The following MARCHF1 variants were observed in gnomAD, a reference collection of about 807,000 sequenced individuals.
The protein encoded by MARCHF1 is E3 ubiquitin-protein ligase MARCHF1.
MARCHF1 carries 40 observed loss-of-function variants against 54.2 expected under a neutral mutation model. That is an observed-to-expected ratio of 0.74 (90% CI 0.57 to 0.96). MARCHF1 has a LOEUF of 0.96. Ranked by LOEUF, MARCHF1 falls within the 40% of genes least tolerant of loss-of-function variation. MARCHF1 has a pLI of 0.00. For synonymous variants in MARCHF1, 236 were observed against 236.3 expected (o/e 1.00, Z 0.01); for missense variants, 586 against 656.5 (o/e 0.89, Z 1.17).
Position 163,929,964 on chromosome 4 carries a change from A to AT in MARCHF1, c.-39+58536dup, listed in dbSNP as rs61032880. The stretch of plus-strand genomic sequence containing the variant: ...ATTTATATTATATATATTATATATA[A>AT]TATATATAATATATATAATATATAT... On this transcript the variant is annotated intron_variant, in intron 3 of 9. Coordinates refer to ENST00000514618, the MANE Select transcript of MARCHF1 (RefSeq NM_001394959.1). Among the ~76,000 whole-genome samples, 48 of 111,272 alleles carry AT rather than the reference A, an allele frequency of 4.3e-4. 1 individual carries two copies. Among genetic ancestry groups the AT allele is most frequent in the South Asian group, 1.1e-3 (5 of 4,372 alleles). 73.0% of individuals were successfully genotyped at this position (111,272 alleles called of 152,430 possible).
intron 2 of MARCHF1, among the ~76,000 whole-genome samples, chr4:164,023,257 T>C (rs867288466): frequency 6.6e-6 from 1 of 152,084 alleles, no homozygotes; most frequent in South Asian, 2.1e-4. Flanking sequence ...ACAAAAGAAA[T>C]ATGACTGTGT....
intron 1 of MARCHF1, among the ~76,000 whole-genome samples, chr4:164,272,870 G>A (rs372780905): frequency 6.6e-6 from 1 of 151,848 alleles, no homozygotes; most frequent in Non-Finnish European, 1.5e-5. Context: ...TAAAGAAATA[G>A]AGAAAAAATT....
intron 2 of MARCHF1, among the ~76,000 whole-genome samples, chr4:164,108,700 A>C (rs903269439): frequency 2.6e-5 from 4 of 152,090 alleles, no homozygotes; most frequent in Non-Finnish European, 5.9e-5. Context: ...TGTTAATTTT[A>C]TCTCTACAAA....
intron 1 of MARCHF1, among the ~76,000 whole-genome samples, chr4:164,303,746 G>A (rs1016725371): frequency 5.8e-4 from 9 of 15,618 alleles, no homozygotes; most frequent in African/African-American, 1.8e-3. Context: ...ATCACCCATC[G>A]CCTCCCCAAC....
chr4:163,746,973 A>T (rs1278405629), intron 4 of MARCHF1, among the ~76,000 whole-genome samples: 2 of 152,188 alleles, frequency 1.3e-5, no homozygotes, highest in Non-Finnish European at 2.9e-5. Flanking sequence ...TCTTGAGCAC[A>T]TTTTCAAAGC....
chr4:164,233,312 G>A (rs189437904), intron 1 of MARCHF1, among the ~76,000 whole-genome samples: 101 of 151,914 alleles, frequency 6.6e-4, no homozygotes, highest in African/African-American at 2.2e-3. Flanking sequence ...TACTCTTCTG[G>A]AATTTCTGTC....
At chr4:164,170,140 A>G (rs1730484039) in intron 1 of MARCHF1, among the ~76,000 whole-genome samples, 1 of 152,154 alleles carries the variant, frequency 6.6e-6, no homozygotes, top group South Asian at 2.1e-4. Flanking sequence ...GGTCCTATGA[A>G]TATGAGCCAG....
chr4:163,579,138 T>C (rs996367852), intron 8 of MARCHF1, among the ~76,000 whole-genome samples: 1 of 152,182 alleles, frequency 6.6e-6, no homozygotes, highest in Non-Finnish European at 1.5e-5. Flanking sequence ...AGGCAAAAGA[T>C]AAAATCCATG....
intron 4 of MARCHF1, among the ~76,000 whole-genome samples, chr4:163,764,622 T>C (rs1746923224): frequency 2.0e-5 from 3 of 152,124 alleles, no homozygotes; most frequent in Non-Finnish European, 4.4e-5. Context: ...CTGAATATTA[T>C]GTGGCTTCAA....
At position 164,211,331 on chromosome 4, in the gene MARCHF1, G is replaced by GTGTATATATATATATATATATATA. The variant is rs763172261; in HGVS notation, c.-322-99670_-322-99669insTATATATATATATATATATATACA. On this transcript the variant is annotated intron_variant, in intron 1 of 9. Transcript: ENST00000514618. ...AACCTGCATATGTGTATGTATGTAT[G>GTGTATATATATATATATATATATA]TATATATATATATATATATATATAC... 5.2e-5 allele frequency among the ~76,000 whole-genome samples: 6 copies of GTGTATATATATATATATATATATA among 115,980 alleles called. No homozygotes were observed. The East Asian group carries it at 1.1e-3, about 21-fold the overall frequency. 76.1% of individuals were successfully genotyped at this position (115,980 alleles called of 152,430 possible).
intron 4 of MARCHF1, among the ~76,000 whole-genome samples, chr4:163,833,395 C>T (rs1749086645): frequency 1.3e-5 from 2 of 152,084 alleles, no homozygotes; most frequent in Non-Finnish European, 2.9e-5. Flanking sequence ...AGAGCTTCTG[C>T]ACAGCAAAAG....
At chr4:164,230,087 A>G (rs1302608645) in intron 1 of MARCHF1, among the ~76,000 whole-genome samples, 1 of 152,088 alleles carries the variant, frequency 6.6e-6, no homozygotes, top group Non-Finnish European at 1.5e-5. Context: ...TCCCCAGTTA[A>G]GCATCCTTTT....
At position 164,328,286 on chromosome 4, in the gene MARCHF1, A is replaced by C. The variant is rs1258025442; in HGVS notation, c.-323+55584T>G. On this transcript the variant is annotated intron_variant, in intron 1 of 9. Coordinates refer to ENST00000514618, the MANE Select transcript of MARCHF1 (RefSeq NM_001394959.1). The stretch of plus-strand genomic sequence containing the variant: ...GCAAATATTTACTTTTTGACACACA[A>C]ACAGCAAAGAGTAATCTTTAGATTT... 3.3e-5 allele frequency among the ~76,000 whole-genome samples: 5 copies of C among 152,162 alleles called. No homozygotes were observed. In the East Asian group the frequency reaches 9.6e-4, roughly 29 times the overall value.
At chr4:163,917,742 C>A (rs1751341600) in intron 3 of MARCHF1, among the ~76,000 whole-genome samples, 11 of 152,130 alleles carry the variant, frequency 7.2e-5, no homozygotes, top group Admixed American at 7.2e-4. Context: ...AAGACCCCAG[C>A]ATCCATTAGC....
chr4:164,180,327 A>C (rs905507856), intron 1 of MARCHF1, among the ~76,000 whole-genome samples: 1 of 152,132 alleles, frequency 6.6e-6, no homozygotes, highest in South Asian at 2.1e-4. Context: ...GAACTTTTAC[A>C]TAAGTGTTTG....
At chr4:164,172,479 A>T (rs1730552113) in intron 1 of MARCHF1, among the ~76,000 whole-genome samples, 1 of 152,148 alleles carries the variant, frequency 6.6e-6, no homozygotes, top group African/African-American at 2.4e-5. Context: ...TGCAAGTTAC[A>T]AGTTATGTAC....
At chr4:164,314,664 C>A (rs1349292049) in intron 1 of MARCHF1, among the ~76,000 whole-genome samples, 2 of 152,062 alleles carry the variant, frequency 1.3e-5, no homozygotes, top group Admixed American at 6.6e-5. Context: ...ACAAAATAAA[C>A]CATTTCTCAG....
intron 3 of MARCHF1, among the ~76,000 whole-genome samples, chr4:163,912,300 G>T (rs1751209146): frequency 6.6e-6 from 1 of 152,142 alleles, no homozygotes; most frequent in African/African-American, 2.4e-5. Flanking sequence ...TGAAGGAGAA[G>T]AGAATAGATA....
At chr4:163,917,987 G>A (rs1751347017) in intron 3 of MARCHF1, among the ~76,000 whole-genome samples, 1 of 152,020 alleles carries the variant, frequency 6.6e-6, no homozygotes, top group East Asian at 1.9e-4. Context: ...GTCCTAAATG[G>A]TATTGCCTAT....
Sources: allele counts gnomAD v4.1 joint callset (sites outside exome capture counted in the v4.1 genomes callset), GRCh38; gene constraint gnomAD v4.1.1; transcripts MANE v1.5; gene names NCBI Gene and HGNC (gene_info 2026-07-23, HGNC 2026-07-21).